Variants in CELF2 observed in about 807,000 individuals in gnomAD.
CELF2 encodes the protein CUGBP Elav-like family member 2, also known as CUG triplet repeat RNA-binding protein 2.
In CELF2, 8 loss-of-function variants were observed where a neutral mutation model predicts 62.6. That is an observed-to-expected ratio of 0.13 (90% confidence interval 0.07 to 0.23). The LOEUF (loss-of-function observed/expected upper bound fraction) is 0.23, where lower values mean the gene tolerates loss of function less well. Among genes scored for constraint, CELF2 ranks in the 10% least tolerant of loss-of-function variants. The pLI, the probability that CELF2 is intolerant of heterozygous loss-of-function variation, is 1.00. For missense variants in CELF2, 333 were observed against 671.0 expected (o/e 0.50, Z 5.56); for synonymous variants, 258 against 250.0 (o/e 1.03, Z -0.30).
At chr10:10,578,654 C>T in the CELF2 span, among the ~76,000 whole-genome samples, 1 of 151,998 alleles carries the variant, frequency 6.6e-6, no homozygotes, top group Admixed American at 6.6e-5. Flanking sequence ...ACACCCCAGC[C>T]CCAAAATCTA....
the CELF2 span, among the ~76,000 whole-genome samples, chr10:10,673,897 G>A: frequency 6.6e-6 from 1 of 152,120 alleles, no homozygotes; most frequent in Admixed American, 6.5e-5. Context: ...GATATTATAT[G>A]ATTTCTGTCT....
intron 1 of CELF2, among the ~76,000 whole-genome samples, chr10:11,126,270 C>G (rs1168461173): frequency 6.6e-6 from 1 of 152,174 alleles, no homozygotes; most frequent in Non-Finnish European, 1.5e-5. Flanking sequence ...TTTTTCGCCT[C>G]TGTATCTGCT....
Position 11,318,675 on chromosome 10 carries a change from T to TTCTGC in CELF2, c.1097-2513_1097-2509dup. The TTCTGC allele has an allele frequency of 2.3e-6, 1 of 429,488 alleles. No homozygotes were observed. The highest frequency in any genetic ancestry group is 4.8e-6 in the Non-Finnish European group (1 of 206,548). 26.6% of individuals were successfully genotyped at this position (429,488 alleles called of 1,614,324 possible). A position where few individuals can be genotyped will look rare whatever the true frequency, so the allele number is the denominator to read the frequency against. On this transcript the variant is annotated intron_variant, in intron 10 of 12. Coordinates refer to ENST00000633077, the MANE Select transcript of CELF2 (RefSeq NM_001326342.2). The surrounding 1 kb of genome is among the most constrained non-coding windows in gnomAD (Gnocchi z 5.4). ...TTCAAGAGCAGGAGCTGTGTTCTGCTTCTGCATTGTAAGAGAGAAACATTT... is the reference window on the plus strand; with the variant it reads ...TTCAAGAGCAGGAGCTGTGTTCTGCTTCTGCTCTGCATTGTAAGAGAGAAACATTT...
intron 8 of CELF2, among the ~76,000 whole-genome samples, chr10:11,283,974 AC>A: frequency 7.2e-6 from 1 of 139,544 alleles, no homozygotes; most frequent in Admixed American, 7.1e-5. Context: ...TGGGTGGATG[AC>A]GGATGAGTGT....
At chr10:10,998,740 C>T (rs1039058516) in intron 2 of CELF2, among the ~76,000 whole-genome samples, 1 of 152,142 alleles carries the variant, frequency 6.6e-6, no homozygotes, top group African/African-American at 2.4e-5. Context: ...AAAAGTAGAA[C>T]TACTCCTAAA....
At chr10:10,636,653 G>T in the CELF2 span, among the ~76,000 whole-genome samples, 3 of 152,270 alleles carry the variant, frequency 2.0e-5, no homozygotes, top group East Asian at 1.9e-4. Flanking sequence ...CCCTCCCATG[G>T]ATGCCCAATA....
intron 1 of CELF2, among the ~76,000 whole-genome samples, chr10:10,821,440 C>T (rs1170775678): frequency 2.0e-5 from 3 of 152,156 alleles, no homozygotes; most frequent in Admixed American, 2.0e-4. Flanking sequence ...CATTGCCTCT[C>T]CCTGCCATGT....
At chr10:11,044,095 G>A (rs376993179) in intron 1 of CELF2, among the ~76,000 whole-genome samples, 13 of 152,228 alleles carry the variant, frequency 8.5e-5, no homozygotes, top group Middle Eastern at 6.8e-3. Flanking sequence ...CTACTTAGTC[G>A]CCTCATCCAA....
intron 3 of CELF2, among the ~76,000 whole-genome samples, chr10:11,239,666 G>T (rs2073040003): frequency 6.6e-6 from 1 of 152,124 alleles, no homozygotes; most frequent in South Asian, 2.1e-4. Flanking sequence ...TATGAGATAA[G>T]GATCACTTCT....
chr10:10,891,730 G>T (rs2062159473), intron 1 of CELF2, among the ~76,000 whole-genome samples: 1 of 152,298 alleles, frequency 6.6e-6, no homozygotes, highest in African/African-American at 2.4e-5. Flanking sequence ...TGGATTTACA[G>T]AGCTACAGGC....
chr10:11,136,624 G>A (rs750668802), intron 1 of CELF2, among the ~76,000 whole-genome samples: 2 of 151,960 alleles, frequency 1.3e-5, no homozygotes, highest in Admixed American at 1.3e-4. Flanking sequence ...TAAATTAATA[G>A]ATAAATAAAT....
chr10:11,239,418 C>T (rs777615836), intron 3 of CELF2, among the ~76,000 whole-genome samples: 2 of 152,094 alleles, frequency 1.3e-5, no homozygotes, highest in African/African-American at 4.8e-5. Flanking sequence ...CCCAGGTGAC[C>T]GAGAAAGGCC....
chr10:10,981,405 G>T (rs374566850), intron 2 of CELF2, among the ~76,000 whole-genome samples: 2 of 152,146 alleles, frequency 1.3e-5, no homozygotes, highest in Non-Finnish European at 2.9e-5. Context: ...AGAAGTGGCC[G>T]GCATATGTGG....
intron 1 of CELF2, among the ~76,000 whole-genome samples, chr10:10,837,846 T>C (rs2058408406): frequency 6.6e-6 from 1 of 152,162 alleles, no homozygotes; most frequent in Non-Finnish European, 1.5e-5. Context: ...GTTATAGATT[T>C]ACAGAAAAAT....
At chr10:10,549,241 CA>C in the CELF2 span, among the ~76,000 whole-genome samples, 1 of 152,150 alleles carries the variant, frequency 6.6e-6, no homozygotes, top group East Asian at 1.9e-4. Flanking sequence ...ATTCTGGAGG[CA>C]GGAAGTCTGA....
the CELF2 span, among the ~76,000 whole-genome samples, chr10:10,502,889 C>A: frequency 4.1e-4 from 63 of 152,036 alleles, no homozygotes; most frequent in South Asian, 0.012. Flanking sequence ...CAGTTTCCTT[C>A]AAAATTGGAT....
At chr10:11,112,187 G>A (rs978802906) in intron 1 of CELF2, among the ~76,000 whole-genome samples, 6 of 152,232 alleles carry the variant, frequency 3.9e-5, no homozygotes, top group Admixed American at 1.3e-4. Context: ...TTTACTGGGT[G>A]CGAATGTCTT....
chr10:10,922,754 C>A (rs571923086), intron 2 of CELF2: 5 of 152,254 alleles, frequency 3.3e-5, no homozygotes, highest in African/African-American at 1.2e-4. Flanking sequence ...GCCGACATTC[C>A]CATTCTAACT....
rs981360037 is a variant in CELF2, at chr10:11,110,048, C to T, written c.75-55438C>T. Among the ~76,000 whole-genome samples the T allele has an allele frequency of 6.6e-6, 1 of 151,990 alleles. No individual in the cohort carries two copies. The highest frequency in any genetic ancestry group is 1.5e-5 in the Non-Finnish European group (1 of 68,004). On this transcript the variant is annotated intron_variant, in intron 1 of 12. Coordinates refer to ENST00000633077, the MANE Select transcript of CELF2 (RefSeq NM_001326342.2). The surrounding 1 kb of genome is among the most constrained non-coding windows in gnomAD (Gnocchi z 4.0). ...CTGAGGCAGGAGGATGGCTTGAGCT[C>T]GGGAGTTTGAGACCAGCTTGGGCAA...
Sources: gnomAD v4.1 joint callset for allele counts (sites outside exome capture counted in the v4.1 genomes callset) on GRCh38, gnomAD v4.1.1 for gene constraint, Gnocchi (gnomAD v3.1) non-coding constraint, MANE v1.5 for transcripts, NCBI Gene and HGNC (gene_info 2026-07-23, HGNC 2026-07-21) for gene names.